Variants in DOK7 observed in about 807,000 individuals in gnomAD.
DOK7 encodes the protein docking protein 7.
DOK7 carries 32 observed loss-of-function variants against 30.7 expected under a neutral mutation model. That is an observed-to-expected ratio of 1.04 (90% CI 0.79 to 1.40). The LOEUF (loss-of-function observed/expected upper bound fraction) is 1.40. Ranked by LOEUF, DOK7 falls within the 40% of genes most tolerant of loss-of-function variation. The pLI is 0.00. For missense variants in DOK7, 1,007 were observed against 699.2 expected (o/e 1.44, Z -4.97); for synonymous variants, 447 against 324.1 (o/e 1.38, Z -4.07).
downstream of DOK7, among the ~76,000 whole-genome samples, chr4:3,498,056 G>A (rs930275228): frequency 1.3e-5 from 2 of 152,196 alleles, no homozygotes; most frequent in African/African-American, 4.8e-5. Flanking sequence ...GCTCAGGAGG[G>A]GCGCCTGGGG....
chr4:3,495,293 C>G (rs551968803), downstream of DOK7, among the ~76,000 whole-genome samples: 2 of 152,168 alleles, frequency 1.3e-5, no homozygotes, highest in South Asian at 4.1e-4. Flanking sequence ...GGCTGTGGCT[C>G]CTTTGCTGGG....
At chr4:3,482,333 A>T (rs2109359267) in intron 4 of DOK7, among the ~76,000 whole-genome samples, 1 of 152,296 alleles carries the variant, frequency 6.6e-6, no homozygotes, top group South Asian at 2.1e-4. Flanking sequence ...GGGCAGTGGC[A>T]TTTGGCTATG....
chr4:3,463,700 C>T, intron 2 of DOK7, 149 bp downstream of exon 2: 2 of 1,075,944 alleles, frequency 1.9e-6, no homozygotes, highest in South Asian at 1.4e-5. Context: ...GACCCCCCGG[C>T]GCCCCTGGGA....
At chr4:3,464,389 C>T (rs1726154773) in intron 2 of DOK7, among the ~76,000 whole-genome samples, 1 of 152,198 alleles carries the variant, frequency 6.6e-6, no homozygotes, top group African/African-American at 2.4e-5. Context: ...GCACTTCCTG[C>T]CTGCCTCCGC....
At chr4:3,471,615 C>T (rs1265775490) in intron 2 of DOK7, among the ~76,000 whole-genome samples, 1 of 152,252 alleles carries the variant, frequency 6.6e-6, no homozygotes, top group African/African-American at 2.4e-5. Context: ...TCATGCTGTT[C>T]CCACACACCG....
At chr4:3,499,003 G>C (rs975549122), downstream of DOK7, among the ~76,000 whole-genome samples, 2 of 152,228 alleles carry the variant, frequency 1.3e-5, no homozygotes, top group East Asian at 1.9e-4. Context: ...CTGGGAGCAA[G>C]CAAGTGAAAG....
chr4:3,496,819 G>T, downstream of DOK7: 1 of 1,536,016 alleles, frequency 6.5e-7, no homozygotes. Context: ...CTTTGGTCTA[G>T]GGAGCGGCAG....
chr4:3,473,619 G>A lies in DOK7; in HGVS notation c.314G>A (p.Arg105His), dbSNP rs776352781. The A allele has an allele frequency of 1.4e-5, 22 of 1,584,156 alleles. No homozygotes were observed. Among genetic ancestry groups the A allele is most frequent in the Middle Eastern group, 2.3e-4 (1 of 4,424 alleles). The change falls in exon 3 of 7, where the codon CGC becomes CAC. Residue 105 changes from arginine to histidine, a missense_variant. By Grantham distance (29) the Arg-to-His change is conservative. Coordinates refer to ENST00000340083, the MANE Select transcript of DOK7 (RefSeq NM_173660.5). ...EAMCAWDARI[R>H]YALGEVHRFH... ...ATGTGTGCGTGGGATGCCCGGATCC[G>A]CTATGCGCTCGGCGAGGGTGAGTGA... is the stretch of plus-strand genomic sequence containing the variant.
Position 3,493,203 on chromosome 4 carries a change from A to C in DOK7, c.1217A>C (p.Asp406Ala), listed in dbSNP as rs1027188166. The change falls in exon 7 of 7, where the codon GAC (aspartate) becomes GCC (alanine). Residue 406 changes from aspartate (D) to alanine (A), a missense_variant. Coordinates refer to ENST00000340083, the MANE Select transcript of DOK7 (RefSeq NM_173660.5). ...CCCACCTCCCTGCGGGCCCACTATG[A>C]CACACCACGCAGCCTTTGCCTGGCT... ...QVPTSLRAHY[D>A]TPRSLCLAPR... is the part of the protein sequence containing the mutation. 1.9e-6 allele frequency: 3 copies of C among 1,611,614 alleles called. No individual in the cohort carries two copies. The highest frequency in any genetic ancestry group is 1.7e-4 in the Middle Eastern group (1 of 6,060).
intron 2 of DOK7, among the ~76,000 whole-genome samples, chr4:3,464,391 T>G (rs1248128906): frequency 6.6e-6 from 1 of 152,170 alleles, no homozygotes; most frequent in Non-Finnish European, 1.5e-5. Flanking sequence ...ACTTCCTGCC[T>G]GCCTCCGCCT....
chr4:3,490,989 A>ATTCATTCCTT (rs1728350331), intron 6 of DOK7, among the ~76,000 whole-genome samples: 1 of 62,894 alleles, frequency 1.6e-5, no homozygotes, highest in Non-Finnish European at 3.1e-5. Context: ...CCTCCTGCTC[A>ATTCATTCCTT]TTCATTCCTT....
At position 3,494,417 on chromosome 4, in the gene DOK7, A is replaced by G. The variant is rs899209407; in HGVS notation, c.*916A>G. The G allele has an allele frequency of 4.1e-6, 4 of 985,596 alleles. No individual in the cohort carries two copies. The highest frequency in any genetic ancestry group is 4.7e-5 in the South Asian group (1 of 21,304). The allele number at this position is 985,596 out of a possible 1,614,324, so 61.1% of individuals were successfully genotyped here. ...CCTGTGAACACCTCTTTGTCCCTTC[A>G]CTGTCAGCTGTTTCTAAACCCAGAC... On this transcript the variant is annotated 3_prime_UTR_variant, in exon 7 of 7. Transcript: ENST00000340083.
intron 2 of DOK7, among the ~76,000 whole-genome samples, chr4:3,465,782 C>T (rs115507242): frequency 6.6e-6 from 1 of 152,204 alleles, no homozygotes; most frequent in Non-Finnish European, 1.5e-5. Flanking sequence ...TCCACCGCGT[C>T]CTCACTGCGG....
At chr4:3,467,676 G>A (rs1204167525) in intron 2 of DOK7, among the ~76,000 whole-genome samples, 1 of 152,202 alleles carries the variant, frequency 6.6e-6, no homozygotes, top group African/African-American at 2.4e-5. Context: ...GTGTGAGTGT[G>A]GGCTTGTGTG....
chr4:3,468,752 G>A (rs1264083672), intron 2 of DOK7, among the ~76,000 whole-genome samples: 1 of 110,100 alleles, frequency 9.1e-6, no homozygotes, highest in Non-Finnish European at 1.8e-5. Context: ...GTATGTGTCT[G>A]TGTGCGTGTG....
At chr4:3,468,859 G>A (rs1726538081) in intron 2 of DOK7, among the ~76,000 whole-genome samples, 1 of 143,266 alleles carries the variant, frequency 7.0e-6, no homozygotes, top group South Asian at 2.2e-4. Flanking sequence ...GTGCGCGTAT[G>A]AGTGTGCATG....
intron 2 of DOK7, among the ~76,000 whole-genome samples, 163 bp downstream of exon 2, chr4:3,463,714 C>T (rs935139891): frequency 2.0e-5 from 3 of 152,198 alleles, no homozygotes; most frequent in African/African-American, 7.2e-5. Flanking sequence ...CCTGGGAGCG[C>T]AGGTGGGGGC....
At chr4:3,486,790 G>A (rs910392877) in intron 5 of DOK7, among the ~76,000 whole-genome samples, 5 of 152,084 alleles carry the variant, frequency 3.3e-5, no homozygotes, top group Admixed American at 1.3e-4. Context: ...TGTGGTCAGC[G>A]TGGATGATGT....
intron 5 of DOK7, among the ~76,000 whole-genome samples, chr4:3,488,738 G>T (rs542633738): frequency 2.7e-5 from 4 of 150,272 alleles, no homozygotes; most frequent in Non-Finnish European, 2.9e-5. Flanking sequence ...TGGAGGCCCA[G>T]AGGAGGCCAC....
Sources: allele counts gnomAD v4.1 joint callset (sites outside exome capture counted in the v4.1 genomes callset), GRCh38; gene constraint gnomAD v4.1.1; transcripts MANE v1.5; gene names NCBI Gene and HGNC (gene_info 2026-07-23, HGNC 2026-07-21).